SMOC1: variants seen among roughly 807,000 people sequenced by gnomAD.
SMOC1 encodes SPARC related modular calcium binding 1, also known as SPARC-related modular calcium-binding protein 1.
Under a neutral mutation model 56.3 loss-of-function variants are expected in SMOC1, and 22 were observed. That is an observed-to-expected ratio of 0.39 (90% CI 0.28 to 0.56). The LOEUF is 0.56. Among genes scored for constraint, SMOC1 ranks in the 20% least tolerant of loss-of-function variants. The pLI, the probability that SMOC1 is intolerant of heterozygous loss-of-function variation, is 0.61. For synonymous variants in SMOC1, 193 were observed against 215.0 expected, an observed-to-expected ratio of 0.90 and a Z score of 0.89; for missense variants, 509 against 565.4, an observed-to-expected ratio of 0.90 and a Z score of 1.01.
At chr14:69,901,808 T>C (rs2139326687) in intron 1 of SMOC1, among the ~76,000 whole-genome samples, 1 of 152,362 alleles carries the variant, frequency 6.6e-6, no homozygotes, top group South Asian at 2.1e-4. Context: ...CAAAATTCCA[T>C]GATGCATTGG....
chr14:69,903,198 G>A (rs1398926273), intron 1 of SMOC1, among the ~76,000 whole-genome samples: 7 of 150,574 alleles, frequency 4.6e-5, no homozygotes, highest in East Asian at 2.0e-4. Flanking sequence ...GCCACCCATC[G>A]TCTGAGATGT....
At position 69,975,716 on chromosome 14, in the gene SMOC1, T is replaced by C. The variant is rs756031532; in HGVS notation, c.380T>C (p.Val127Ala). 6.2e-7 allele frequency: 1 copy of C among 1,609,626 alleles called. No individual in the cohort carries two copies. Among genetic ancestry groups the C allele is most frequent in the South Asian group, 1.1e-5 (1 of 90,954 alleles). Residue 127 changes from valine to alanine, a missense_variant and splice_region_variant, in exon 4 of 12, where the codon GTG becomes GCG. Coordinates refer to ENST00000361956, the MANE Select transcript of SMOC1 (RefSeq NM_001034852.3). ...TTCCCTTTTCACTTCCCTGAACAGG[T>C]GCAGTGCCATACTTACACTGGGTAC... ...ECGEDGSFTQ[V>A]QCHTYTGYCW...
chr14:69,907,888 A>AG (rs1884451701), intron 1 of SMOC1, among the ~76,000 whole-genome samples: 1 of 152,330 alleles, frequency 6.6e-6, no homozygotes, highest in Non-Finnish European at 1.5e-5. Context: ...AGAAGGGGTG[A>AG]GGGGTCTCAC....
At chr14:70,009,381 A>G (rs1331556042) in intron 7 of SMOC1, among the ~76,000 whole-genome samples, 1 of 152,156 alleles carries the variant, frequency 6.6e-6, no homozygotes, top group Non-Finnish European at 1.5e-5. Context: ...GTGTACTCCT[A>G]TGGTTTGTTT....
intron 5 of SMOC1, among the ~76,000 whole-genome samples, chr14:69,983,484 A>G (rs1045728520): frequency 6.6e-6 from 1 of 152,184 alleles, no homozygotes; most frequent in Non-Finnish European, 1.5e-5. Context: ...CAGGTGGAGG[A>G]AAACCTCCAG....
chr14:70,006,920 C>T (rs1255718952), intron 7 of SMOC1, among the ~76,000 whole-genome samples: 1 of 152,196 alleles, frequency 6.6e-6, no homozygotes, highest in African/African-American at 2.4e-5. Flanking sequence ...AGGCCTCGGC[C>T]TGACACAAAA....
chr14:69,971,382 T>C (rs1256199726), intron 3 of SMOC1, among the ~76,000 whole-genome samples: 3 of 152,162 alleles, frequency 2.0e-5, no homozygotes, highest in African/African-American at 4.8e-5. Flanking sequence ...CTCACTTAGG[T>C]TGATGAGTAA....
intron 1 of SMOC1, among the ~76,000 whole-genome samples, chr14:69,947,458 C>G (rs1196385375): frequency 7.9e-5 from 12 of 152,182 alleles, no homozygotes; most frequent in Non-Finnish European, 1.8e-4. Flanking sequence ...GTGTGAACCC[C>G]CATGCCTGGC....
chr14:69,899,303 G>A (rs972126534), intron 1 of SMOC1, among the ~76,000 whole-genome samples: 1 of 152,198 alleles, frequency 6.6e-6, no homozygotes, highest in Non-Finnish European at 1.5e-5. Flanking sequence ...TGGAGGTGGG[G>A]CCTGGTGGGA....
At chr14:70,000,354 C>T (rs1370771994) in intron 7 of SMOC1, among the ~76,000 whole-genome samples, 1 of 152,136 alleles carries the variant, frequency 6.6e-6, no homozygotes, top group Non-Finnish European at 1.5e-5. Flanking sequence ...AGTACGGAGA[C>T]TGTCAGTTTA....
intron 1 of SMOC1, among the ~76,000 whole-genome samples, chr14:69,933,149 A>G (rs1225326197): frequency 6.6e-6 from 1 of 152,234 alleles, no homozygotes; most frequent in Non-Finnish European, 1.5e-5. Flanking sequence ...CTTACAAAAT[A>G]CATCTTTACG....
At chr14:69,954,196 A>G (rs892847299) in intron 3 of SMOC1, among the ~76,000 whole-genome samples, 9 of 152,022 alleles carry the variant, frequency 5.9e-5, no homozygotes, top group Non-Finnish European at 1.2e-4. Flanking sequence ...CAGGGTCTCA[A>G]TCTGTTGCAG....
intron 5 of SMOC1, among the ~76,000 whole-genome samples, chr14:69,984,814 G>A (rs1370528723): frequency 6.7e-6 from 1 of 150,058 alleles, no homozygotes. Context: ...CCGAGATCGC[G>A]CCACTGCACT....
intron 1 of SMOC1, among the ~76,000 whole-genome samples, chr14:69,896,649 A>G (rs1190416113): frequency 6.6e-6 from 1 of 152,224 alleles, no homozygotes; most frequent in Non-Finnish European, 1.5e-5. Context: ...TTGTTTATAA[A>G]TAAAGCTCAT....
intron 1 of SMOC1, among the ~76,000 whole-genome samples, chr14:69,928,482 G>A (rs1447847584): frequency 6.6e-6 from 1 of 152,188 alleles, no homozygotes; most frequent in South Asian, 2.1e-4. Context: ...GTGAGGGTCC[G>A]ACCCAGCCCA....
intron 7 of SMOC1, among the ~76,000 whole-genome samples, chr14:70,007,444 A>AAGATTTGT (rs1426150384): frequency 6.6e-6 from 1 of 152,240 alleles, no homozygotes; most frequent in African/African-American, 2.4e-5. Context: ...ATCCAGGTAC[A>AAGATTTGT]AGATTTGTAG....
rs531411149 is a variant in SMOC1, at chr14:70,032,259, C to G, written c.*2001C>G. 16 of 152,412 alleles carry G rather than the reference C, an allele frequency of 1.0e-4. No homozygotes were observed. Among genetic ancestry groups the G allele is most frequent in the Non-Finnish European group, 1.5e-4 (10 of 68,044 alleles). 9.4% of individuals were successfully genotyped at this position (152,412 alleles called of 1,614,324 possible). On this transcript the variant is annotated 3_prime_UTR_variant, in exon 12 of 12. Coordinates refer to ENST00000361956, the MANE Select transcript of SMOC1 (RefSeq NM_001034852.3). The stretch of plus-strand genomic sequence containing the variant: ...CGAGATCTCCCCAGGCATCTTGTCT[C>G]CCACAGGATCGTGTGTGTAGGTGGT...
At chr14:69,949,873 G>A (rs537188089) in intron 1 of SMOC1, among the ~76,000 whole-genome samples, 1 of 152,192 alleles carries the variant, frequency 6.6e-6, no homozygotes, top group African/African-American at 2.4e-5. Context: ...GGCAACTCGA[G>A]GGGGGTTGAG....
intron 5 of SMOC1, among the ~76,000 whole-genome samples, chr14:69,981,384 G>T (rs921936799): frequency 6.6e-6 from 1 of 152,214 alleles, no homozygotes; most frequent in Non-Finnish European, 1.5e-5. Flanking sequence ...ATGGGCACAT[G>T]TGTGGTAATT....
Sources: gnomAD v4.1 joint callset for allele counts (sites outside exome capture counted in the v4.1 genomes callset) on GRCh38, gnomAD v4.1.1 for gene constraint, MANE v1.5 for transcripts, NCBI Gene and HGNC (gene_info 2026-07-23, HGNC 2026-07-21) for gene names.